The following CNOT6 variants were observed in gnomAD, a reference collection of about 807,000 sequenced individuals.
The protein encoded by CNOT6 is CCR4-NOT transcription complex subunit 6.
A neutral mutation model predicts 61.2 loss-of-function variants in CNOT6; 12 were observed. The ratio of observed to expected loss-of-function variants is 0.20; its 90% CI spans 0.13 to 0.32. The LOEUF is 0.32. CNOT6 is among the 10% of genes least tolerant of loss of function. The pLI is 1.00. For missense variants in CNOT6, 405 were observed against 663.9 expected (o/e 0.61, Z 4.28); for synonymous variants, 225 against 240.6 (o/e 0.94, Z 0.60).
At chr5:180,550,471 A>G (rs1435196366) in intron 3 of CNOT6, among the ~76,000 whole-genome samples, 1 of 152,250 alleles carries the variant, frequency 6.6e-6, no homozygotes, top group South Asian at 2.1e-4. Flanking sequence ...AAACAAAAAA[A>G]CATTTGTTGT....
At chr5:180,529,777 G>A (rs1332330632) in intron 2 of CNOT6, among the ~76,000 whole-genome samples, 1 of 152,186 alleles carries the variant, frequency 6.6e-6, no homozygotes, top group African/African-American at 2.4e-5. Flanking sequence ...ATTTCTGGTG[G>A]GGTAGGAATG....
chr5:180,514,630 G>T (rs1013871976), intron 1 of CNOT6, among the ~76,000 whole-genome samples: 1 of 152,222 alleles, frequency 6.6e-6, no homozygotes, highest in Non-Finnish European at 1.5e-5. Context: ...GAGAGTTGTA[G>T]TGTGAGTGCA....
At chr5:180,495,913 A>G (rs1756591153) in intron 1 of CNOT6, among the ~76,000 whole-genome samples, 1 of 152,006 alleles carries the variant, frequency 6.6e-6, no homozygotes, top group South Asian at 2.1e-4. Flanking sequence ...TCTTTATTTA[A>G]TTTATTTATT....
intron 1 of CNOT6, among the ~76,000 whole-genome samples, chr5:180,517,172 C>CT (rs1295861886): frequency 6.6e-6 from 1 of 152,218 alleles, no homozygotes; most frequent in Admixed American, 6.5e-5. Flanking sequence ...GGTTTCACTC[C>CT]TTTCGCTCAG....
chr5:180,529,021 CA>C (rs1199262170), intron 1 of CNOT6, among the ~76,000 whole-genome samples: 4 of 151,788 alleles, frequency 2.6e-5, no homozygotes, highest in African/African-American at 9.7e-5. Context: ...CCAGCCTGGC[CA>C]ATATGGTGAA....
chr5:180,510,239 G>A (rs1021904307), intron 1 of CNOT6, among the ~76,000 whole-genome samples: 2 of 134,916 alleles, frequency 1.5e-5, no homozygotes, highest in East Asian at 2.3e-4. Context: ...ATGATAGCAC[G>A]CTATAGCCTC....
Position 180,565,860 on chromosome 5 carries a change from A to G in CNOT6, c.600A>G (p.Lys200=). ...SVMCYNVLCD[K]YATRQLYGYC... is the part of the protein sequence containing the mutation. ...TGTGCTATAATGTTCTTTGTGATAA[A>G]TATGCGACCCGGCAGTTATACGGCT... Residue 200 remains lysine (K), a synonymous_variant, in exon 7 of 12, where the codon AAA becomes AAG. Coordinates refer to ENST00000261951, the MANE Select transcript of CNOT6 (RefSeq NM_001370472.1). 1 of 1,613,404 alleles carries G rather than the reference A, an allele frequency of 6.2e-7. No individual in the cohort carries two copies. The highest frequency in any genetic ancestry group is 8.5e-7 in the Non-Finnish European group (1 of 1,179,458).
chr5:180,564,656 G>T lies in CNOT6; in HGVS notation c.491-19G>T, dbSNP rs1207418195. 5.6e-6 allele frequency: 9 copies of T among 1,611,914 alleles called. No individual in the cohort carries two copies. The highest frequency in any genetic ancestry group is 6.8e-6 in the Non-Finnish European group (8 of 1,178,040). Reference sequence around the variant, plus strand: ...ACGTGTAAGAATATTGCTTAATTCTGTATTTTCTATTCAACTAGTTACAAC... The same window carrying T: ...ACGTGTAAGAATATTGCTTAATTCTTTATTTTCTATTCAACTAGTTACAAC... On this transcript the variant is annotated intron_variant, in intron 5 of 11. Coordinates refer to ENST00000261951, the MANE Select transcript of CNOT6 (RefSeq NM_001370472.1).
chr5:180,524,356 C>T (rs2127716111), intron 1 of CNOT6, among the ~76,000 whole-genome samples: 1 of 152,274 alleles, frequency 6.6e-6, no homozygotes, highest in South Asian at 2.1e-4. Context: ...ACCTAATCTG[C>T]AGTGCTATAC....
intron 1 of CNOT6, among the ~76,000 whole-genome samples, chr5:180,512,634 G>T (rs1393532490): frequency 6.6e-6 from 1 of 152,210 alleles, no homozygotes; most frequent in Non-Finnish European, 1.5e-5. Flanking sequence ...GTCTTGCTCT[G>T]TTGCCAGGCT....
Position 180,568,230 on chromosome 5 carries a change from C to CTT in CNOT6, c.1027+241_1027+242dup, listed in dbSNP as rs10601026. On this transcript the variant is annotated intron_variant, in intron 9 of 11. Transcript: ENST00000261951. ...GAAGCCTTGAAAAGCATTAAAAAAC[C>CTT]TTTTTTTTTTTTTTTGCTCCTAAGA... Among the ~76,000 whole-genome samples the CTT allele has an allele frequency of 2.8e-3, 398 of 144,538 alleles. 3 individuals carry two copies. The highest frequency in any genetic ancestry group is 0.01 in the South Asian group (46 of 4,596). 94.8% of individuals were successfully genotyped at this position (144,538 alleles called of 152,430 possible).
intron 4 of CNOT6, among the ~76,000 whole-genome samples, chr5:180,558,894 T>G (rs1034146084): frequency 6.6e-6 from 1 of 152,194 alleles, no homozygotes; most frequent in African/African-American, 2.4e-5. Flanking sequence ...TCCCCCCACC[T>G]CAGCCTCTGA....
intron 3 of CNOT6, among the ~76,000 whole-genome samples, chr5:180,550,530 A>C (rs1443898162): frequency 6.6e-6 from 1 of 152,254 alleles, no homozygotes; most frequent in Non-Finnish European, 1.5e-5. Context: ...AAAAGGAAAC[A>C]TAACTATATC....
chr5:180,496,560 A>G (rs1381125631), intron 1 of CNOT6, among the ~76,000 whole-genome samples: 1 of 152,182 alleles, frequency 6.6e-6, no homozygotes, highest in African/African-American at 2.4e-5. Context: ...TGCAATTGCC[A>G]GGCATGGTGG....
At chr5:180,540,866 T>C (rs1758995346) in intron 2 of CNOT6, among the ~76,000 whole-genome samples, 1 of 152,100 alleles carries the variant, frequency 6.6e-6, no homozygotes, top group African/African-American at 2.4e-5. Flanking sequence ...AATAGGAAAA[T>C]TGGTTAGTAT....
chr5:180,553,507 GTA>G (rs757148073), intron 4 of CNOT6, 36 bp downstream of exon 4: 5 of 1,492,976 alleles, frequency 3.3e-6, no homozygotes, highest in Non-Finnish European at 4.6e-6. Context: ...TATGGTTTGT[GTA>G]TATGTCTTTG....
intron 2 of CNOT6, among the ~76,000 whole-genome samples, chr5:180,543,260 C>T (rs570921390): frequency 3.1e-4 from 47 of 152,214 alleles, no homozygotes; most frequent in Middle Eastern, 3.4e-3. Context: ...GGGGTTTCAT[C>T]GTGTTAGCCA....
chr5:180,526,431 G>A (rs958308154), intron 1 of CNOT6, among the ~76,000 whole-genome samples: 1 of 152,202 alleles, frequency 6.6e-6, no homozygotes, highest in Non-Finnish European at 1.5e-5. Context: ...CGTGCTAAGG[G>A]CAGGGATAGA....
At chr5:180,572,757 T>C (rs1237391203) in intron 11 of CNOT6, among the ~76,000 whole-genome samples, 1 of 151,768 alleles carries the variant, frequency 6.6e-6, no homozygotes, top group African/African-American at 2.4e-5. Context: ...GGTTTTGCTA[T>C]ATTGCCCAGC....
Sources: gnomAD v4.1 joint callset for allele counts (sites outside exome capture counted in the v4.1 genomes callset) on GRCh38, gnomAD v4.1.1 for gene constraint, MANE v1.5 for transcripts, NCBI Gene and HGNC (gene_info 2026-07-23, HGNC 2026-07-21) for gene names.